The following CFAP44 variants were observed in gnomAD, a reference collection of about 807,000 sequenced individuals.
The protein encoded by CFAP44 is cilia- and flagella-associated protein 44.
A neutral mutation model predicts 216.2 loss-of-function variants in CFAP44; 134 were observed. The observed-to-expected ratio is 0.62, with a 90% CI of 0.54 to 0.72. The LOEUF is 0.72. Among genes scored for constraint, CFAP44 ranks in the 30% least tolerant of loss-of-function variants. CFAP44 has a pLI of 0.00. For synonymous variants in CFAP44, 700 were observed against 727.6 expected, an observed-to-expected ratio of 0.96 and a Z score of 0.61; for missense variants, 2,035 against 2,182.1, an observed-to-expected ratio of 0.93 and a Z score of 1.34.
intron 12 of CFAP44, 112 bp from the exon 13 acceptor site, chr3:113,400,112 T>G (rs549997269): frequency 1.6e-6 from 1 of 626,838 alleles, no homozygotes. Context: ...ACTAAATCAG[T>G]CAATAACTTT....
At chr3:113,371,102 C>T (rs1162343097) in intron 18 of CFAP44, among the ~76,000 whole-genome samples, 1 of 152,170 alleles carries the variant, frequency 6.6e-6, no homozygotes, top group Non-Finnish European at 1.5e-5. Context: ...AATGGAAGAA[C>T]ATTCCATGTT....
chr3:113,323,431 T>G (rs933375345), intron 28 of CFAP44, among the ~76,000 whole-genome samples: 15 of 152,190 alleles, frequency 9.9e-5, no homozygotes, highest in African/African-American at 3.6e-4. Flanking sequence ...CACATGGACA[T>G]AAGCACGGGA....
Position 113,326,423 on chromosome 3 carries a change from T to C in CFAP44, c.4516+22A>G, listed in dbSNP as rs1230740654. The C allele has an allele frequency of 3.4e-6, 5 of 1,475,008 alleles. No homozygotes were observed. In the African/African-American group the frequency reaches 5.7e-5, roughly 17 times the overall value. The allele number at this position is 1,475,008 out of a possible 1,614,324, so 91.4% of individuals were successfully genotyped here. A position where few individuals can be genotyped will look rare whatever the true frequency, so the allele number is the denominator to read the frequency against. ...ATGTTAATGAGAGAAAATAAGATCA[T>C]ATGCAAGAAAGAAATACAAACCAGC... On this transcript the variant is annotated intron_variant, in intron 28 of 34. Coordinates refer to ENST00000393845, the MANE Select transcript of CFAP44 (RefSeq NM_001164496.2).
chr3:113,299,622 T>C (rs1372979923), intron 32 of CFAP44, among the ~76,000 whole-genome samples: 1 of 152,204 alleles, frequency 6.6e-6, no homozygotes, highest in African/African-American at 2.4e-5. Flanking sequence ...CCCATATTTA[T>C]TGCAGCACTA....
At position 113,396,765 on chromosome 3, in the gene CFAP44, T is replaced by C. The variant is rs368018010; in HGVS notation, c.1570-38A>G. 20 of 1,581,242 alleles carry C rather than the reference T, an allele frequency of 1.3e-5. No individual in the cohort carries two copies. In the East Asian group the frequency reaches 2.7e-4, roughly 21 times the overall value. Reference sequence around the variant, plus strand: ...TAAAGATAAGGGACCTGAAACTAGTTAAATTGAGAAAGTTGTACTATATAA... The same window carrying C: ...TAAAGATAAGGGACCTGAAACTAGTCAAATTGAGAAAGTTGTACTATATAA... On this transcript the variant is annotated intron_variant, in intron 13 of 34. Transcript: ENST00000393845.
intron 22 of CFAP44, among the ~76,000 whole-genome samples, chr3:113,346,615 C>G (rs1276759329): frequency 5.9e-5 from 9 of 152,138 alleles, no homozygotes; most frequent in Admixed American, 2.6e-4. Flanking sequence ...CCAATCAACA[C>G]TCTGTAAAAA....
intron 21 of CFAP44, among the ~76,000 whole-genome samples, chr3:113,359,389 T>G (rs1950518150): frequency 6.6e-6 from 1 of 152,192 alleles, no homozygotes. Context: ...CCCTCATCCC[T>G]GGAAAAATAT....
intron 1 of CFAP44, 93 bp from the exon 2 acceptor site, chr3:113,433,762 C>T: frequency 1.0e-6 from 1 of 974,592 alleles, no homozygotes; most frequent in African/African-American, 1.6e-5. Flanking sequence ...CACCAAACAC[C>T]ATGTGTGTCA....
intron 9 of CFAP44, among the ~76,000 whole-genome samples, chr3:113,402,472 T>G (rs373452725): frequency 8.5e-5 from 13 of 152,272 alleles, no homozygotes; most frequent in African/African-American, 3.1e-4. Context: ...ACCTCCCCTG[T>G]GAGGGGCCAA....
chr3:113,303,403 A>G (rs1225092251), intron 32 of CFAP44, among the ~76,000 whole-genome samples: 1 of 152,232 alleles, frequency 6.6e-6, no homozygotes, highest in Non-Finnish European at 1.5e-5. Flanking sequence ...TGAATAAACT[A>G]TCTGTAGTTT....
chr3:113,363,332 A>C (rs748057384), intron 20 of CFAP44, 25 bp from the exon 21 acceptor site: 3 of 1,592,312 alleles, frequency 1.9e-6, no homozygotes, highest in Non-Finnish European at 2.6e-6. Flanking sequence ...TTAAAACAAT[A>C]ACAGGTTGTG....
chr3:113,355,644 A>C (rs972572313), intron 22 of CFAP44, among the ~76,000 whole-genome samples: 1 of 152,096 alleles, frequency 6.6e-6, no homozygotes, highest in South Asian at 2.1e-4. Flanking sequence ...ACATGTTCTC[A>C]CTCACATTAG....
In CFAP44 at chr3:113,304,007, T is replaced by C; in HGVS notation, c.4986A>G (p.Glu1662=). The change falls in exon 32 of 35, where the codon GAA becomes GAG. Residue 1662 remains glutamate, a synonymous_variant. Transcript: ENST00000393845. ...TGTTAAGTTTTTGCTGCTTGGAATT[T>C]TCCTCCTGGAGCTCATGGATTCGTT... ...LQERIHELQE[E]NSKQQKLNKE... 5.2e-6 allele frequency: 8 copies of C among 1,537,672 alleles called. No homozygotes were observed. The highest frequency in any genetic ancestry group is 6.1e-6 in the Non-Finnish European group (7 of 1,147,002).
intron 1 of CFAP44, among the ~76,000 whole-genome samples, chr3:113,435,284 G>A (rs1010900618): frequency 1.2e-4 from 18 of 152,182 alleles, no homozygotes; most frequent in African/African-American, 4.3e-4. Context: ...GTTTGGCATG[G>A]CTAGGGAGGC....
intron 27 of CFAP44, 57 bp from the exon 28 acceptor site, chr3:113,326,697 G>C (rs1368395367): frequency 9.0e-7 from 1 of 1,112,900 alleles, no homozygotes; most frequent in Non-Finnish European, 1.2e-6. Flanking sequence ...CAAGTTCAGA[G>C]AGCAATGTAC....
rs540192327 is a variant in CFAP44 at position 113,339,748 on chromosome 3, G to C, written c.3437+1996C>G. Among the ~76,000 whole-genome samples, 15 of 152,292 alleles carry C rather than the reference G, an allele frequency of 9.8e-5. No homozygotes were observed. The South Asian group carries it at 2.7e-3, about 27-fold the overall frequency. On this transcript the variant is annotated intron_variant, in intron 24 of 34. Transcript: ENST00000393845. ...GAGGCTGTTTGTATCTATTTAGAGT[G>C]TCTCAAATGTGCCCTGCCAAATTTG...
At chr3:113,402,439 C>T (rs915015388) in intron 9 of CFAP44, among the ~76,000 whole-genome samples, 2 of 152,120 alleles carry the variant, frequency 1.3e-5, no homozygotes, top group Admixed American at 6.5e-5. Flanking sequence ...TTTTACCTCA[C>T]GGTGGCAGGG....
At chr3:113,324,000 C>T (rs973548032) in intron 28 of CFAP44, among the ~76,000 whole-genome samples, 8 of 147,694 alleles carry the variant, frequency 5.4e-5, no homozygotes, top group South Asian at 2.1e-4. Flanking sequence ...GCACAGATCG[C>T]GCCACCGCAC....
At chr3:113,296,135 T>A (rs1161827822) in intron 33 of CFAP44, among the ~76,000 whole-genome samples, 1 of 152,198 alleles carries the variant, frequency 6.6e-6, no homozygotes, top group African/African-American at 2.4e-5. Context: ...CTCCCACTTA[T>A]AAGTGAGAAC....
Sources: gnomAD v4.1 joint callset for allele counts (sites outside exome capture counted in the v4.1 genomes callset) on GRCh38, gnomAD v4.1.1 for gene constraint, MANE v1.5 for transcripts, NCBI Gene and HGNC (gene_info 2026-07-23, HGNC 2026-07-21) for gene names.